COMMD1: variants seen among roughly 807,000 people sequenced by gnomAD.
COMMD1 encodes COMM domain-containing protein 1.
In COMMD1, 10 loss-of-function variants were observed where a neutral mutation model predicts 17.2. That is an observed-to-expected ratio of 0.58 (90% CI 0.36 to 0.99). COMMD1 has a LOEUF of 0.99. Ranked by LOEUF, COMMD1 falls within the 50% of genes least tolerant of loss-of-function variation. The probability of loss-of-function intolerance (pLI) is 0.01; values close to 1 mark genes in which losing one functional copy is unlikely to be tolerated. For synonymous variants in COMMD1, 97 were observed against 91.6 expected (o/e 1.06, Z -0.34); for missense variants, 270 against 231.8 (o/e 1.17, Z -1.07).
chr2:62,117,890 C>T (rs936538842), intron 2 of COMMD1, among the ~76,000 whole-genome samples: 1 of 152,174 alleles, frequency 6.6e-6, no homozygotes, highest in Admixed American at 6.5e-5. Context: ...TGCACCCTGC[C>T]CCGCACTCCC....
At chr2:61,995,862 A>C (rs546282457) in intron 1 of COMMD1, among the ~76,000 whole-genome samples, 10 of 152,228 alleles carry the variant, frequency 6.6e-5, no homozygotes, top group Non-Finnish European at 1.0e-4. Context: ...GGTCAAGTGC[A>C]GTAATACAGA....
chr2:62,113,287 G>C (rs894277572), intron 2 of COMMD1, among the ~76,000 whole-genome samples: 1 of 152,132 alleles, frequency 6.6e-6, no homozygotes, highest in Admixed American at 6.6e-5. Context: ...AGGAGATCGA[G>C]GTTATGATGA....
intron 2 of COMMD1, among the ~76,000 whole-genome samples, chr2:62,037,505 A>G (rs1199989160): frequency 2.6e-5 from 4 of 152,214 alleles, no homozygotes. Flanking sequence ...AGTCTTAGAT[A>G]TGGTAGCTGC....
At chr2:61,968,982 G>A (rs892830121) in intron 1 of COMMD1, 1 of 351,392 alleles carries the variant, frequency 2.8e-6, no homozygotes. Context: ...GGATCTTGCT[G>A]TGTTGCCCAG....
intron 2 of COMMD1, among the ~76,000 whole-genome samples, chr2:62,105,786 G>GT (rs1308974787): frequency 6.6e-5 from 10 of 152,192 alleles, no homozygotes; most frequent in African/African-American, 2.4e-4. Flanking sequence ...TTGTGCCACT[G>GT]CATTCCAGCT....
At chr2:62,000,136 T>G (rs1244119995) in intron 1 of COMMD1, among the ~76,000 whole-genome samples, 1 of 152,056 alleles carries the variant, frequency 6.6e-6, no homozygotes, top group Non-Finnish European at 1.5e-5. Context: ...TTTGGCCAGG[T>G]TGGTCTCAAA....
chr2:61,991,319 T>C (rs1334374668), intron 1 of COMMD1, among the ~76,000 whole-genome samples: 1 of 152,180 alleles, frequency 6.6e-6, no homozygotes, highest in African/African-American at 2.4e-5. Context: ...AGCAAGAAGT[T>C]GGTAGCTTTA....
chr2:62,117,892 C>T (rs1054010888), intron 2 of COMMD1, among the ~76,000 whole-genome samples: 8 of 152,196 alleles, frequency 5.3e-5, no homozygotes, highest in South Asian at 4.2e-4. Flanking sequence ...CACCCTGCCC[C>T]GCACTCCCCG....
At chr2:62,077,380 T>C (rs1296106839) in intron 2 of COMMD1, among the ~76,000 whole-genome samples, 1 of 152,250 alleles carries the variant, frequency 6.6e-6, no homozygotes, top group Non-Finnish European at 1.5e-5. Context: ...TGCCTCCTTC[T>C]ATTTTGAGAA....
At chr2:61,924,653 T>G (rs1193402715) in intron 1 of COMMD1, among the ~76,000 whole-genome samples, 4 of 152,166 alleles carry the variant, frequency 2.6e-5, no homozygotes, top group Non-Finnish European at 4.4e-5. Context: ...ATAAGGAATC[T>G]CAGACCATTT....
At chr2:61,988,904 G>A (rs1039350202) in intron 1 of COMMD1, among the ~76,000 whole-genome samples, 4 of 152,286 alleles carry the variant, frequency 2.6e-5, no homozygotes, top group South Asian at 2.1e-4. Flanking sequence ...CATTGGCTGA[G>A]TTCTGCCTGG....
At chr2:62,016,701 A>G (rs1008294357) in intron 2 of COMMD1, among the ~76,000 whole-genome samples, 2 of 152,146 alleles carry the variant, frequency 1.3e-5, no homozygotes, top group South Asian at 2.1e-4. Flanking sequence ...CCTTTGATGC[A>G]TAAAAGTTTT....
At chr2:62,132,709 C>T (rs1206987141) in intron 2 of COMMD1, among the ~76,000 whole-genome samples, 3 of 152,004 alleles carry the variant, frequency 2.0e-5, no homozygotes, top group East Asian at 1.9e-4. Flanking sequence ...ATTAGCCAGG[C>T]GTGGTAGTGC....
At chr2:61,999,760 A>G (rs906995271) in intron 1 of COMMD1, among the ~76,000 whole-genome samples, 1 of 151,934 alleles carries the variant, frequency 6.6e-6, no homozygotes, top group African/African-American at 2.4e-5. Context: ...ATTTCATTTT[A>G]TCTCCCCGCC....
At chr2:62,120,806 G>A (rs1350334512) in intron 2 of COMMD1, among the ~76,000 whole-genome samples, 1 of 151,994 alleles carries the variant, frequency 6.6e-6, no homozygotes, top group Non-Finnish European at 1.5e-5. Flanking sequence ...GCTCACTGCA[G>A]TCTTGACCTG....
intron 1 of COMMD1, among the ~76,000 whole-genome samples, chr2:61,925,231 C>CT (rs1670299646): frequency 6.6e-6 from 1 of 151,790 alleles, no homozygotes; most frequent in African/African-American, 2.4e-5. Flanking sequence ...CGGCCAGAGT[C>CT]TGTCTGCTTC....
intron 2 of COMMD1, among the ~76,000 whole-genome samples, chr2:62,055,880 C>T (rs370949578): frequency 4.6e-5 from 7 of 152,194 alleles, no homozygotes; most frequent in South Asian, 2.1e-4. Flanking sequence ...CACTGTGGCA[C>T]GCAGTCCAGG....
chr2:62,054,061 A>G (rs1260823633), intron 2 of COMMD1, among the ~76,000 whole-genome samples: 1 of 152,214 alleles, frequency 6.6e-6, no homozygotes, highest in African/African-American at 2.4e-5. Flanking sequence ...GACATTTTTC[A>G]AAAGAAGACA....
At chr2:62,021,963 A>C (rs969634743) in intron 2 of COMMD1, among the ~76,000 whole-genome samples, 2 of 146,806 alleles carry the variant, frequency 1.4e-5, no homozygotes, top group African/African-American at 5.1e-5. Context: ...ATGCTCTTTG[A>C]TGTACAAAGG....
Sources: gnomAD v4.1 joint callset for allele counts (sites outside exome capture counted in the v4.1 genomes callset) on GRCh38, gnomAD v4.1.1 for gene constraint, MANE v1.5 for transcripts, NCBI Gene and HGNC (gene_info 2026-07-23, HGNC 2026-07-21) for gene names.